CRTC1: variants seen among roughly 807,000 people sequenced by gnomAD.
The protein encoded by CRTC1 is CREB-regulated transcription coactivator 1.
In CRTC1, 18 loss-of-function variants were observed where a neutral mutation model predicts 66.1. That is an observed-to-expected ratio of 0.27 (90% CI 0.19 to 0.40). The LOEUF is 0.40. Ranked by LOEUF, CRTC1 falls within the 10% of genes least tolerant of loss-of-function variation. The probability of loss-of-function intolerance (pLI) is 1.00; values close to 1 mark genes in which losing one functional copy is unlikely to be tolerated. For synonymous variants in CRTC1, 416 were observed against 398.8 expected (o/e 1.04, Z -0.51); for missense variants, 669 against 887.9 (o/e 0.75, Z 3.13).
At chr19:18,763,789 T>A (rs2054667354) in intron 8 of CRTC1, among the ~76,000 whole-genome samples, 1 of 152,182 alleles carries the variant, frequency 6.6e-6, no homozygotes, top group African/African-American at 2.4e-5. Flanking sequence ...CTCCTGACGT[T>A]TGCCCCTACT....
Position 18,742,965 on chromosome 19 carries a change from A to G in CRTC1, c.182A>G (p.Tyr61Cys), listed in dbSNP as rs1417371058. Residue 61 changes from tyrosine to cysteine, a missense_variant, in exon 2 of 14, where the codon TAT (tyrosine) becomes TGT (cysteine). By Grantham distance (194) the Tyr-to-Cys change is radical. This residue lies in a region of CRTC1 where 214 missense variants were observed against 323.4 expected (regional missense o/e 0.66). Transcript: ENST00000321949. The stretch of plus-strand genomic sequence containing the variant: ...CTGGGCCCCAGCCGAGGCCAGTACT[A>G]TGGCGGGTCCCTGCCCAACGTGAAC... The part of the protein sequence containing the change: ...LQLGPSRGQY[Y>C]GGSLPNVNQI... The G allele has an allele frequency of 5.6e-6, 9 of 1,613,800 alleles. No individual in the cohort carries two copies. The highest frequency in any genetic ancestry group is 2.2e-5 in the East Asian group (1 of 44,876).
intron 2 of CRTC1, among the ~76,000 whole-genome samples, chr19:18,743,325 T>A (rs2054152089): frequency 6.6e-6 from 1 of 152,192 alleles, no homozygotes; most frequent in African/African-American, 2.4e-5. Flanking sequence ...TCGGGGCCAC[T>A]GGGGCTTGGC....
intron 1 of CRTC1, among the ~76,000 whole-genome samples, chr19:18,731,623 C>T (rs1471161491): frequency 6.6e-6 from 1 of 152,098 alleles, no homozygotes; most frequent in East Asian, 1.9e-4. Context: ...GCTGCCTGGC[C>T]TTGAACTCTG....
At chr19:18,774,786 T>G in intron 11 of CRTC1, 114 bp from the exon 12 acceptor site, 1 of 931,012 alleles carries the variant, frequency 1.1e-6, no homozygotes. Context: ...ATCATCAGCC[T>G]CCTGCCGTCT....
chr19:18,698,696 G>C (rs1221213214), intron 1 of CRTC1, among the ~76,000 whole-genome samples: 1 of 151,754 alleles, frequency 6.6e-6, no homozygotes, highest in African/African-American at 2.4e-5. Flanking sequence ...GTACTAAGCA[G>C]GTGCTCAGCA....
At position 18,775,623 on chromosome 19, in the gene CRTC1, G is replaced by A. The variant is rs749727144; in HGVS notation, c.1513-18G>A. ...GGCCCGCGGTGGCCCTCACAGCCTG[G>A]TGTGCCTCCCTTCCCAGCTGGAGCA... On this transcript the variant is annotated intron_variant, in intron 12 of 13. Coordinates refer to ENST00000321949, the MANE Select transcript of CRTC1 (RefSeq NM_015321.3). 1.3e-6 allele frequency: 2 copies of A among 1,552,540 alleles called. No individual in the cohort carries two copies. Among genetic ancestry groups the A allele is most frequent in the Non-Finnish European group, 1.7e-6 (2 of 1,147,892 alleles).
chr19:18,719,607 C>A (rs932525022), intron 1 of CRTC1, among the ~76,000 whole-genome samples: 2 of 152,232 alleles, frequency 1.3e-5, no homozygotes, highest in African/African-American at 4.8e-5. Context: ...GAGGCAGCGT[C>A]GAAAGAGCTG....
At chr19:18,712,502 C>T (rs1411847157) in intron 1 of CRTC1, among the ~76,000 whole-genome samples, 3 of 151,914 alleles carry the variant, frequency 2.0e-5, no homozygotes, top group Non-Finnish European at 2.9e-5. Flanking sequence ...TCAGGTAATC[C>T]GCCTGCCGTG....
rs1260441868 is a variant in CRTC1, at chr19:18,759,532, C to G, written c.625-19C>G. On this transcript the variant is annotated intron_variant, in intron 6 of 13. Coordinates refer to ENST00000321949, the MANE Select transcript of CRTC1 (RefSeq NM_015321.3). ...CAGGGTGTGCCCCAGGGCTCAGGCTCTCCTGTCTTCTCTTTCAGACGGGGT... is the reference window on the plus strand; with the variant it reads ...CAGGGTGTGCCCCAGGGCTCAGGCTGTCCTGTCTTCTCTTTCAGACGGGGT... The G allele has an allele frequency of 1.9e-6, 3 of 1,611,532 alleles. No individual in the cohort carries two copies. Among genetic ancestry groups the G allele is most frequent in the East Asian group, 2.2e-5 (1 of 44,796 alleles).
At chr19:18,719,536 A>G (rs1321106200) in intron 1 of CRTC1, among the ~76,000 whole-genome samples, 8 of 152,218 alleles carry the variant, frequency 5.3e-5, no homozygotes, top group Middle Eastern at 3.2e-3. Flanking sequence ...ATGGAGCATA[A>G]AAGCTATTTT....
At chr19:18,757,020 G>A (rs542526932) in intron 6 of CRTC1, among the ~76,000 whole-genome samples, 8 of 152,308 alleles carry the variant, frequency 5.3e-5, no homozygotes, top group South Asian at 4.1e-4. Context: ...GCCACCCCTC[G>A]GGCACCCCAG....
At chr19:18,773,109 T>C (rs528323543) in intron 11 of CRTC1, among the ~76,000 whole-genome samples, 1 of 152,290 alleles carries the variant, frequency 6.6e-6, no homozygotes, top group African/African-American at 2.4e-5. Flanking sequence ...AGCCCATGTC[T>C]GTGTGTCTGG....
intron 1 of CRTC1, among the ~76,000 whole-genome samples, chr19:18,692,364 C>T (rs1475553278): frequency 6.6e-6 from 1 of 152,160 alleles, no homozygotes. Flanking sequence ...TCACAAATTA[C>T]CACAAAGTGA....
In CRTC1 at chr19:18,768,432, G is replaced by T; in HGVS notation, c.1012-53G>T. ...TGCCAGGCTATGGGGGCCCGAGGGG[G>T]CCAGGCGCTGACAACCAGGGCCCGC... On this transcript the variant is annotated intron_variant, in intron 9 of 13. Coordinates refer to ENST00000321949, the MANE Select transcript of CRTC1 (RefSeq NM_015321.3). The surrounding 1 kb of genome is among the most constrained non-coding windows in gnomAD (Gnocchi z 5.6). 1 of 1,517,322 alleles carries T rather than the reference G, an allele frequency of 6.6e-7. No individual in the cohort carries two copies. The allele number at this position is 1,517,322 out of a possible 1,614,324, so 94.0% of individuals were successfully genotyped here. A position where few individuals can be genotyped will look rare whatever the true frequency, so the allele number is the denominator to read the frequency against.
chr19:18,698,242 A>G (rs756704911), intron 1 of CRTC1, among the ~76,000 whole-genome samples: 25 of 139,804 alleles, frequency 1.8e-4, no homozygotes, highest in Admixed American at 6.4e-4. Flanking sequence ...CTCAGCAGGC[A>G]CTCAGCAGGC....
At chr19:18,704,868 ACT>A (rs1485476212) in intron 1 of CRTC1, among the ~76,000 whole-genome samples, 1 of 151,604 alleles carries the variant, frequency 6.6e-6, no homozygotes, top group African/African-American at 2.4e-5. Context: ...CCGCACAGAA[ACT>A]CTGTCCCCAT....
chr19:18,744,507 C>CACACAT (rs950727877), intron 2 of CRTC1, among the ~76,000 whole-genome samples: 1 of 152,146 alleles, frequency 6.6e-6, no homozygotes, highest in Non-Finnish European at 1.5e-5. Flanking sequence ...CACACACACA[C>CACACAT]ACACATACAC....
chr19:18,759,516 C>T (rs1432726760), intron 6 of CRTC1, 35 bp from the exon 7 acceptor site: 1 of 1,606,226 alleles, frequency 6.2e-7, no homozygotes, highest in Non-Finnish European at 8.5e-7. Flanking sequence ...ACAGGGTGTG[C>T]CCCAGGGCTC....
intron 1 of CRTC1, among the ~76,000 whole-genome samples, chr19:18,704,902 C>T (rs796557030): frequency 1.8e-3 from 251 of 141,174 alleles, no homozygotes; most frequent in African/African-American, 6.5e-3. Flanking sequence ...CCACCCACCC[C>T]CTACCCCCCA....
Sources: gnomAD v4.1 joint callset for allele counts (sites outside exome capture counted in the v4.1 genomes callset) on GRCh38, gnomAD v4.1.1 for gene constraint, gnomAD v4.1.1 regional missense constraint, Gnocchi (gnomAD v3.1) non-coding constraint, MANE v1.5 for transcripts, NCBI Gene and HGNC (gene_info 2026-07-23, HGNC 2026-07-21) for gene names.